The following MRPL19 variants were observed in gnomAD, a reference collection of about 807,000 sequenced individuals.
MRPL19 encodes the protein mitochondrial ribosomal protein L19.
MRPL19 carries 31 observed loss-of-function variants against 34.0 expected under a neutral mutation model. The observed-to-expected ratio is 0.91, with a 90% CI of 0.68 to 1.23. MRPL19 has a LOEUF of 1.23. MRPL19 is among the 50% of genes most tolerant of loss of function. MRPL19 has a pLI of 0.00. For synonymous variants in MRPL19, 152 were observed against 127.7 expected, an observed-to-expected ratio of 1.19 and a Z score of -1.28; for missense variants, 384 against 367.6, an observed-to-expected ratio of 1.04 and a Z score of -0.37.
chr2:75,653,050 T>G (rs1450667884), intron 4 of MRPL19, among the ~76,000 whole-genome samples: 1 of 152,160 alleles, frequency 6.6e-6, no homozygotes, highest in Non-Finnish European at 1.5e-5. Flanking sequence ...AATACCCACA[T>G]TTTACTTTAT....
In MRPL19 at chr2:75,661,868, AT is replaced by A. The variant is rs1337123738; in HGVS notation, c.*6584del. 1.3e-5 allele frequency: 2 copies of A among 152,204 alleles called. No individual in the cohort carries two copies. Among genetic ancestry groups the A allele is most frequent in the African/African-American group, 4.8e-5 (2 of 41,452 alleles). 9.4% of individuals were successfully genotyped at this position (152,204 alleles called of 1,614,324 possible). A position where few individuals can be genotyped will look rare whatever the true frequency, so the allele number is the denominator to read the frequency against. On this transcript the variant is annotated 3_prime_UTR_variant, in exon 6 of 6. Transcript: ENST00000393909. Reference sequence around the variant, plus strand: ...GCCTTCTTTTATCTTGACTGATTGTATGACTATGTCTTCTAGAACAATGTTG... The same window carrying A: ...GCCTTCTTTTATCTTGACTGATTGTAGACTATGTCTTCTAGAACAATGTTG...
Position 75,655,112 on chromosome 2 carries a change from C to G in MRPL19, c.706C>G (p.Pro236Ala). The G allele has an allele frequency of 6.2e-7, 1 of 1,608,552 alleles. No individual in the cohort carries two copies. Among genetic ancestry groups the G allele is most frequent in the Non-Finnish European group, 8.5e-7 (1 of 1,178,744 alleles). Residue 236 changes from proline to alanine, a missense_variant, in exon 6 of 6, where the codon CCA becomes GCA. Physicochemically the swap from Pro to Ala is conservative, Grantham distance 27. Coordinates refer to ENST00000393909, the MANE Select transcript of MRPL19 (RefSeq NM_014763.4). ...GCCCTGGTCTAAACGCTGGGAACGT[C>G]CAAATTTTAATATTAAAGGAATCAG... Reference protein sequence around the residue: ...PKPWSKRWERPNFNIKGIRFD... With the variant: ...PKPWSKRWERANFNIKGIRFD...
chr2:75,649,165 A>G (rs1678280251), intron 2 of MRPL19, among the ~76,000 whole-genome samples: 2 of 152,268 alleles, frequency 1.3e-5, no homozygotes, highest in South Asian at 4.1e-4. Flanking sequence ...AAAAAAGTTA[A>G]TGTTATAAAA....
rs946058155 is a variant in MRPL19, at chr2:75,648,514, T to TA, written c.221+1303dup. On this transcript the variant is annotated intron_variant, in intron 2 of 5. Transcript: ENST00000393909. ...TGGAAGATTTTCACAAATCTGTGTG[T>TA]AAAAAAAACCTTTAGAATCATTAAT... 4.6e-5 allele frequency among the ~76,000 whole-genome samples: 7 copies of TA among 152,084 alleles called. No homozygotes were observed. The South Asian group carries it at 1.2e-3, about 27-fold the overall frequency.
At chr2:75,651,082 G>A (rs748308037) in intron 2 of MRPL19, among the ~76,000 whole-genome samples, 5 of 152,190 alleles carry the variant, frequency 3.3e-5, no homozygotes, top group Non-Finnish European at 7.3e-5. Flanking sequence ...ATGTATCATG[G>A]CCTTAAGAAC....
In MRPL19 at chr2:75,659,870, T is replaced by TAAA. The variant is rs1558723659; in HGVS notation, c.*4586_*4587insAAA. Among the ~76,000 whole-genome samples, 1 of 152,160 alleles carries TAAA rather than the reference T, an allele frequency of 6.6e-6. No individual in the cohort carries two copies. The highest frequency in any genetic ancestry group is 2.4e-5 in the African/African-American group (1 of 41,450). Reference sequence around the variant, plus strand: ...TGTGGGTCTCTGAGTTTATCCCACTTAGAGTTTGTTGAGTTTCTTGGAGTC... The same window carrying TAAA: ...TGTGGGTCTCTGAGTTTATCCCACTTAAAAGAGTTTGTTGAGTTTCTTGGAGTC... On this transcript the variant is annotated 3_prime_UTR_variant, in exon 6 of 6. Coordinates refer to ENST00000393909, the MANE Select transcript of MRPL19 (RefSeq NM_014763.4).
rs755865062 is a variant in MRPL19, at chr2:75,661,017, C to G, written c.*5732C>G. On this transcript the variant is annotated 3_prime_UTR_variant, in exon 6 of 6. Transcript: ENST00000393909. ...TTTTTCAAGCATTGCCTACTGCTTA[C>G]GATGAGTGCTCTGTCAATCCTTTAA... 6.6e-6 allele frequency: 1 copy of G among 152,074 alleles called. No homozygotes were observed. Among genetic ancestry groups the G allele is most frequent in the Admixed American group, 6.6e-5 (1 of 15,254 alleles). The allele number at this position is 152,074 out of a possible 1,614,324, so 9.4% of individuals were successfully genotyped here.
At position 75,657,840 on chromosome 2, in the gene MRPL19, A is replaced by C. The variant is rs1287494687; in HGVS notation, c.*2555A>C. 1 of 147,030 alleles carries C rather than the reference A, an allele frequency of 6.8e-6. No homozygotes were observed. The highest frequency in any genetic ancestry group is 2.6e-5 in the African/African-American group (1 of 38,818). The allele number at this position is 147,030 out of a possible 1,614,324, so 9.1% of individuals were successfully genotyped here. Reference sequence around the variant, plus strand: ...AAGCAAATCTTCCCCCAGAAATAAAATTAAATGTGCATAATCTAAAGCTTT... The same window carrying C: ...AAGCAAATCTTCCCCCAGAAATAAACTTAAATGTGCATAATCTAAAGCTTT... On this transcript the variant is annotated 3_prime_UTR_variant, in exon 6 of 6. Coordinates refer to ENST00000393909, the MANE Select transcript of MRPL19 (RefSeq NM_014763.4).
At chr2:75,651,460 A>G (rs1018510819) in intron 2 of MRPL19, 16 of 533,982 alleles carry the variant, frequency 3.0e-5, no homozygotes, top group African/African-American at 2.9e-4. Context: ...GATTCCATCA[A>G]AGGAAGAGCT....
chr2:75,657,212 A>G lies in MRPL19; in HGVS notation c.*1927A>G, dbSNP rs992263069. 1 of 152,036 alleles carries G rather than the reference A, an allele frequency of 6.6e-6. No individual in the cohort carries two copies. The highest frequency in any genetic ancestry group is 1.5e-5 in the Non-Finnish European group (1 of 67,998). The allele number at this position is 152,036 out of a possible 1,614,324, so 9.4% of individuals were successfully genotyped here. A position where few individuals can be genotyped will look rare whatever the true frequency, so the allele number is the denominator to read the frequency against. ...ATCTTTGGCTGTCTTCTTATGGTTG[A>G]AAGAGGGACTAAAAAGCTTGGAAAG... is the stretch of plus-strand genomic sequence containing the variant. On this transcript the variant is annotated 3_prime_UTR_variant, in exon 6 of 6. Coordinates refer to ENST00000393909, the MANE Select transcript of MRPL19 (RefSeq NM_014763.4).
chr2:75,652,672 A>C lies in MRPL19; in HGVS notation c.475+15A>C, dbSNP rs1294870875. 9 of 1,607,724 alleles carry C rather than the reference A, an allele frequency of 5.6e-6. No individual in the cohort carries two copies. Among genetic ancestry groups the C allele is most frequent in the South Asian group, 1.1e-5 (1 of 89,484 alleles). ...CGAAGGACAAGGTAAGTTTTATTTC[A>C]TCATTTTCATTGTCTAGAAAATGTT... On this transcript the variant is annotated intron_variant, in intron 4 of 5. Transcript: ENST00000393909.
chr2:75,659,622 T>C lies in MRPL19; in HGVS notation c.*4337T>C, dbSNP rs1233119207. 6.6e-6 allele frequency among the ~76,000 whole-genome samples: 1 copy of C among 152,188 alleles called. No homozygotes were observed. The highest frequency in any genetic ancestry group is 1.5e-5 in the Non-Finnish European group (1 of 68,018). ...AATGTCTTGATTTCTCCCTTATTTT[T>C]GATGGATAATTTTGCCAGATACATG... On this transcript the variant is annotated 3_prime_UTR_variant, in exon 6 of 6. Coordinates refer to ENST00000393909, the MANE Select transcript of MRPL19 (RefSeq NM_014763.4).
At chr2:75,649,833 A>G (rs571702705) in intron 2 of MRPL19, among the ~76,000 whole-genome samples, 1 of 152,094 alleles carries the variant, frequency 6.6e-6, no homozygotes. Flanking sequence ...AGGTCTCACT[A>G]TGTTGCCTAG....
In MRPL19 at chr2:75,655,293, A is replaced by C; in HGVS notation, c.*8A>C. Reference sequence around the variant, plus strand: ...GCGTCGAAAAGGTCTTGATTCTGAGAATGAATTTGGTTAGTTGCAGAAGAT... The same window carrying C: ...GCGTCGAAAAGGTCTTGATTCTGAGCATGAATTTGGTTAGTTGCAGAAGAT... On this transcript the variant is annotated 3_prime_UTR_variant, in exon 6 of 6. Coordinates refer to ENST00000393909, the MANE Select transcript of MRPL19 (RefSeq NM_014763.4). 6.2e-7 allele frequency: 1 copy of C among 1,604,464 alleles called. No individual in the cohort carries two copies. The highest frequency in any genetic ancestry group is 1.1e-5 in the South Asian group (1 of 90,142).
rs906861330 is a variant in MRPL19 at position 75,661,058 on chromosome 2, C to T, written c.*5773C>T. ...AATCCTTTAAGTAGCCCCAGACAGG[C>T]TACCAGAGACTTAAACAAGAATTTG... On this transcript the variant is annotated 3_prime_UTR_variant, in exon 6 of 6. Coordinates refer to ENST00000393909, the MANE Select transcript of MRPL19 (RefSeq NM_014763.4). 8 of 152,134 alleles carry T rather than the reference C, an allele frequency of 5.3e-5. No homozygotes were observed. The highest frequency in any genetic ancestry group is 1.5e-5 in the Non-Finnish European group (1 of 68,048). The allele number at this position is 152,134 out of a possible 1,614,324, so 9.4% of individuals were successfully genotyped here. A position where few individuals can be genotyped will look rare whatever the true frequency, so the allele number is the denominator to read the frequency against.
rs758475911 is a variant in MRPL19 at position 75,652,271 on chromosome 2, GCT to G, written c.340+12_340+13del. The stretch of plus-strand genomic sequence containing the variant: ...CAGAGTTCTATGTTGGTCAGTAAGA[GCT>G]GTATGTTTTTATTATTAGTAATTAG... On this transcript the variant is annotated intron_variant, in intron 3 of 5. Transcript: ENST00000393909. 54 of 1,501,730 alleles carry G rather than the reference GCT, an allele frequency of 3.6e-5. No individual in the cohort carries two copies. The highest frequency in any genetic ancestry group is 4.6e-5 in the Non-Finnish European group (50 of 1,097,226). 93.0% of individuals were successfully genotyped at this position (1,501,730 alleles called of 1,614,324 possible).
intron 4 of MRPL19, 130 bp downstream of exon 4, chr2:75,652,787 T>C (rs1423772837): frequency 8.1e-6 from 8 of 987,738 alleles, no homozygotes; most frequent in Non-Finnish European, 1.2e-5. Context: ...ATGTGGAGCC[T>C]GTGGCTTTAG....
At chr2:75,647,353 C>T in intron 2 of MRPL19, 134 bp downstream of exon 2, 2 of 753,240 alleles carry the variant, frequency 2.7e-6, no homozygotes. Context: ...ATTCAAGAGC[C>T]AGCGCACCAC....
intron 2 of MRPL19, among the ~76,000 whole-genome samples, chr2:75,648,589 G>A (rs1317151371): frequency 3.3e-5 from 5 of 152,106 alleles, no homozygotes; most frequent in Non-Finnish European, 5.9e-5. Context: ...GCCGGGTGCG[G>A]TGGCTCACGA....
Sources: allele counts gnomAD v4.1 joint callset (sites outside exome capture counted in the v4.1 genomes callset), GRCh38; gene constraint gnomAD v4.1.1; transcripts MANE v1.5; gene names NCBI Gene and HGNC (gene_info 2026-07-23, HGNC 2026-07-21).